KCNB2: variants seen among roughly 807,000 people sequenced by gnomAD.
KCNB2 encodes potassium voltage-gated channel subfamily B member 2.
KCNB2 carries 15 observed loss-of-function variants against 61.5 expected under a neutral mutation model. The observed-to-expected ratio is 0.24, with a 90% CI of 0.16 to 0.38. The LOEUF (loss-of-function observed/expected upper bound fraction) is 0.38. KCNB2 is among the 10% of genes least tolerant of loss of function. KCNB2 has a pLI of 1.00. For missense variants in KCNB2, 828 were observed against 1,125.2 expected (o/e 0.74, Z 3.78); for synonymous variants, 457 against 446.0 (o/e 1.02, Z -0.31).
intron 2 of KCNB2, among the ~76,000 whole-genome samples, chr8:72,805,130 C>G (rs995812): frequency 0.3 from 45,400 of 151,996 alleles, 7,145 homozygotes; most frequent in South Asian, 0.51. Context: ...GGATCATGTG[C>G]GTTCATACAC....
intron 2 of KCNB2, among the ~76,000 whole-genome samples, chr8:72,689,890 T>C (rs1806913810): frequency 6.6e-6 from 1 of 152,218 alleles, no homozygotes; most frequent in Non-Finnish European, 1.5e-5. Flanking sequence ...TGTTTTGCAT[T>C]GCTACTTATG....
At chr8:72,789,012 A>T (rs188574160) in intron 2 of KCNB2, among the ~76,000 whole-genome samples, 1 of 152,288 alleles carries the variant, frequency 6.6e-6, no homozygotes, top group African/African-American at 2.4e-5. Context: ...GCCAGACACT[A>T]TGGGTACAAA....
intron 2 of KCNB2, among the ~76,000 whole-genome samples, chr8:72,704,406 A>G (rs75088197): frequency 1.7e-3 from 255 of 152,186 alleles, no homozygotes; most frequent in African/African-American, 5.9e-3. Context: ...GGCTATTATT[A>G]CCCTAAAATT....
chr8:72,830,851 C>T (rs898962767), intron 2 of KCNB2, among the ~76,000 whole-genome samples: 5 of 152,160 alleles, frequency 3.3e-5, no homozygotes, highest in East Asian at 1.9e-4. Context: ...TTGAGTGACA[C>T]GAGGCTCATG....
At chr8:72,704,395 G>T (rs1807183483) in intron 2 of KCNB2, among the ~76,000 whole-genome samples, 1 of 152,036 alleles carries the variant, frequency 6.6e-6, no homozygotes, top group East Asian at 1.9e-4. Context: ...CAACTATTAA[G>T]GGCTATTATT....
chr8:72,541,642 A>G (rs893389902), intron 1 of KCNB2, among the ~76,000 whole-genome samples: 2 of 152,130 alleles, frequency 1.3e-5, no homozygotes, highest in Non-Finnish European at 2.9e-5. Context: ...GAAAAAGGCC[A>G]AAAGTAAGAG....
intron 2 of KCNB2, among the ~76,000 whole-genome samples, chr8:72,897,845 C>T (rs1164719171): frequency 6.6e-6 from 1 of 152,010 alleles, no homozygotes; most frequent in Non-Finnish European, 1.5e-5. Context: ...ACACTTTGTT[C>T]TTCATTTGCA....
intron 2 of KCNB2, among the ~76,000 whole-genome samples, chr8:72,711,534 A>G (rs1343271666): frequency 1.3e-5 from 2 of 152,222 alleles, no homozygotes; most frequent in Non-Finnish European, 2.9e-5. Flanking sequence ...TCATTTTTCA[A>G]GATTCACAGG....
intron 2 of KCNB2, among the ~76,000 whole-genome samples, chr8:72,729,794 A>G (rs982039494): frequency 6.6e-6 from 1 of 152,108 alleles, no homozygotes; most frequent in South Asian, 2.1e-4. Context: ...GAGGCAGGAG[A>G]ATCGCTTGAA....
intron 2 of KCNB2, among the ~76,000 whole-genome samples, chr8:72,909,375 C>T (rs1388283275): frequency 1.3e-5 from 2 of 152,048 alleles, no homozygotes; most frequent in African/African-American, 4.8e-5. Context: ...GAGAACATTG[C>T]ATGTGAGAGG....
Position 72,576,144 on chromosome 8 carries a change from A to G in KCNB2, c.579+7831A>G, listed in dbSNP as rs372349029. On this transcript the variant is annotated intron_variant, in intron 2 of 2. Coordinates refer to ENST00000523207, the MANE Select transcript of KCNB2 (RefSeq NM_004770.3). ...CTAAAGTACAATTCATGAAATAACCATAGATTACAATAGTTATTTTTGTTT... is the reference window on the plus strand; with the variant it reads ...CTAAAGTACAATTCATGAAATAACCGTAGATTACAATAGTTATTTTTGTTT... Among the ~76,000 whole-genome samples the G allele has an allele frequency of 4.6e-5, 7 of 152,346 alleles. No individual in the cohort carries two copies. In the East Asian group the frequency reaches 1.4e-3, roughly 29 times the overall value.
Position 72,770,750 on chromosome 8 carries a change from C to T in KCNB2, c.580-165185C>T, listed in dbSNP as rs546222907. Among the ~76,000 whole-genome samples the T allele has an allele frequency of 5.3e-5, 8 of 152,262 alleles. No homozygotes were observed. The South Asian group carries it at 1.5e-3, about 28-fold the overall frequency. ...AAATTAAGTGCTCAATAAATGATCACTATTATTATTACTAGGACAAAGAGA... is the reference window on the plus strand; with the variant it reads ...AAATTAAGTGCTCAATAAATGATCATTATTATTATTACTAGGACAAAGAGA... On this transcript the variant is annotated intron_variant, in intron 2 of 2. Coordinates refer to ENST00000523207, the MANE Select transcript of KCNB2 (RefSeq NM_004770.3).
chr8:72,886,486 C>G (rs748087099), intron 2 of KCNB2, among the ~76,000 whole-genome samples: 1 of 152,226 alleles, frequency 6.6e-6, no homozygotes, highest in Non-Finnish European at 1.5e-5. Flanking sequence ...TCTTTCTTTC[C>G]TAGACATTCT....
At chr8:72,630,915 A>G (rs902159682) in intron 2 of KCNB2, among the ~76,000 whole-genome samples, 4 of 152,192 alleles carry the variant, frequency 2.6e-5, no homozygotes, top group Non-Finnish European at 5.9e-5. Flanking sequence ...ACAAAGTGCA[A>G]TAGGCGCCCC....
At chr8:72,909,073 T>A (rs1563420860) in intron 2 of KCNB2, among the ~76,000 whole-genome samples, 1 of 152,204 alleles carries the variant, frequency 6.6e-6, no homozygotes, top group Non-Finnish European at 1.5e-5. Context: ...TAGAAGGATT[T>A]TTTTTTAATT....
At chr8:72,576,526 G>A (rs1209562535) in intron 2 of KCNB2, among the ~76,000 whole-genome samples, 1 of 152,138 alleles carries the variant, frequency 6.6e-6, no homozygotes, top group African/African-American at 2.4e-5. Context: ...AGCTTTTCAA[G>A]ATAACAGTAA....
At chr8:72,900,164 A>G (rs749586310) in intron 2 of KCNB2, among the ~76,000 whole-genome samples, 1 of 152,192 alleles carries the variant, frequency 6.6e-6, no homozygotes, top group African/African-American at 2.4e-5. Flanking sequence ...GAACAATGGA[A>G]CAGAATAGAG....
intron 2 of KCNB2, among the ~76,000 whole-genome samples, chr8:72,915,733 C>T (rs967570458): frequency 7.2e-5 from 11 of 152,106 alleles, no homozygotes; most frequent in South Asian, 2.1e-4. Context: ...TCCTGGCTAA[C>T]GCGGTGAAAC....
At chr8:72,809,322 T>C (rs1229514825) in intron 2 of KCNB2, among the ~76,000 whole-genome samples, 1 of 152,210 alleles carries the variant, frequency 6.6e-6, no homozygotes, top group Non-Finnish European at 1.5e-5. Flanking sequence ...TCTTCTAATA[T>C]CTGAAAATCA....
Sources: gnomAD v4.1 joint callset for allele counts (sites outside exome capture counted in the v4.1 genomes callset) on GRCh38, gnomAD v4.1.1 for gene constraint, MANE v1.5 for transcripts, NCBI Gene and HGNC (gene_info 2026-07-23, HGNC 2026-07-21) for gene names.